RNF135: variants seen among roughly 807,000 people sequenced by gnomAD.
RNF135 encodes E3 ubiquitin-protein ligase RNF135.
Under a neutral mutation model 41.9 loss-of-function variants are expected in RNF135, and 46 were observed. The observed-to-expected ratio is 1.10, with a 90% CI of 0.87 to 1.40. The LOEUF is 1.40. Ranked by LOEUF, RNF135 falls within the 40% of genes most tolerant of loss-of-function variation. The probability of loss-of-function intolerance (pLI) is 0.00; values close to 1 mark genes in which losing one functional copy is unlikely to be tolerated. For missense variants in RNF135, 539 were observed against 549.8 expected, an observed-to-expected ratio of 0.98 and a Z score of 0.20; for synonymous variants, 238 against 223.8, an observed-to-expected ratio of 1.06 and a Z score of -0.57.
In RNF135 at chr17:30,991,050, A is replaced by G. The variant is rs78843464; in HGVS notation, c.679+2944A>G. On this transcript the variant is annotated intron_variant, in intron 3 of 4. Transcript: ENST00000328381. The stretch of plus-strand genomic sequence containing the variant: ...GGTTGCTGGGTCATAGGGTAAATTC[A>G]TTTGTCATTTTGATATACATTGCCA... Among the ~76,000 whole-genome samples the G allele has an allele frequency of 3.4e-3, 513 of 152,274 alleles. 5 individuals carry two copies. The highest frequency in any genetic ancestry group is 0.012 in the African/African-American group (493 of 41,560).
chr17:30,975,120 T>TA (rs1011764445), intron 1 of RNF135, among the ~76,000 whole-genome samples: 24 of 123,426 alleles, frequency 1.9e-4, no homozygotes, highest in South Asian at 5.1e-4. Context: ...GAGATCCAAT[T>TA]AAAAAAAAAA....
At chr17:30,984,148 C>T (rs554625004) in intron 1 of RNF135, among the ~76,000 whole-genome samples, 14 of 152,230 alleles carry the variant, frequency 9.2e-5, no homozygotes, top group Admixed American at 7.2e-4. Context: ...AATGTTTAAA[C>T]ATTTCATGTA....
At position 30,998,840 on chromosome 17, in the gene RNF135, A is replaced by G. The variant is rs753677857; in HGVS notation, c.948A>G (p.Glu316=). ...QALSSGKHYW[E]VDTRNCSHWA... ...TGTCTTCTGGAAAGCATTACTGGGA[A>G]GTGGACACTAGGAATTGCAGCCACT... Residue 316 remains glutamate, a synonymous_variant, in exon 5 of 5, where the codon GAA becomes GAG. Transcript: ENST00000328381. 2.0e-5 allele frequency: 32 copies of G among 1,613,294 alleles called. No individual in the cohort carries two copies. The South Asian group carries it at 3.4e-4, about 17-fold the overall frequency.
rs1905913423 is a variant in RNF135, at chr17:30,971,362, G to A, written c.289G>A (p.Asp97Asn). 1 of 1,529,224 alleles carries A rather than the reference G, an allele frequency of 6.5e-7. No homozygotes were observed. Among genetic ancestry groups the A allele is most frequent in the Non-Finnish European group, 8.8e-7 (1 of 1,142,774 alleles). 94.7% of individuals were successfully genotyped at this position (1,529,224 alleles called of 1,614,324 possible). The change falls in exon 1 of 5, where the codon GAC (aspartate) becomes AAC (asparagine). Residue 97 changes from aspartate (D) to asparagine (N), a missense_variant. Physicochemically the swap from Asp to Asn is conservative, Grantham distance 23. Transcript: ENST00000328381. Reference protein sequence around the residue: ...RAAREIQAGSDPAHCPCPGSS... With the variant: ...RAAREIQAGSNPAHCPCPGSS... ...CGCACGCGAGATACAGGCGGGCTCC[G>A]ACCCTGCCCACTGCCCCTGCCCGGG... is the stretch of plus-strand genomic sequence containing the variant.
chr17:30,964,688 T>C, the RNF135 span, among the ~76,000 whole-genome samples: 1 of 139,006 alleles, frequency 7.2e-6, no homozygotes, highest in Non-Finnish European at 1.6e-5. Flanking sequence ...ATTTCTTATC[T>C]TTTTTTTTTT....
At chr17:30,961,760 G>A in the RNF135 span, among the ~76,000 whole-genome samples, 2 of 151,958 alleles carry the variant, frequency 1.3e-5, no homozygotes, top group Non-Finnish European at 2.9e-5. Context: ...CACCGCGCCC[G>A]GCCCTGACAG....
intron 2 of RNF135, 94 bp from the exon 3 acceptor site, chr17:30,987,850 G>A: frequency 8.0e-7 from 1 of 1,250,708 alleles, no homozygotes; most frequent in Non-Finnish European, 1.1e-6. Flanking sequence ...GAATTAAATA[G>A]AAAATTATAG....
rs1907459845 is a variant in RNF135, at chr17:30,984,695, A to G, written c.451A>G (p.Ser151Gly). ...GGAACATCTTGTAGACATTGTCAGA[A>G]GCCTGCAGAATCAGAGGCCCCTATC... ...LVEHLVDIVRSLQNQRPLSES... is the reference protein window; with the variant it reads ...LVEHLVDIVRGLQNQRPLSES... Residue 151 changes from serine to glycine, a missense_variant, in exon 2 of 5, where the codon AGC becomes GGC. Around this residue, in one of 2 missense-constraint regions of RNF135, gnomAD observed 277 missense variants for 212.8 expected, o/e 1.30. Transcript: ENST00000328381. 6.2e-7 allele frequency: 1 copy of G among 1,614,210 alleles called. No homozygotes were observed. The highest frequency in any genetic ancestry group is 8.5e-7 in the Non-Finnish European group (1 of 1,180,030).
At chr17:30,994,952 T>C (rs950106101) in intron 3 of RNF135, among the ~76,000 whole-genome samples, 3 of 151,922 alleles carry the variant, frequency 2.0e-5, no homozygotes, top group Non-Finnish European at 4.4e-5. Flanking sequence ...ACTTTAATTT[T>C]AATTTTTTAG....
At chr17:30,969,749 T>TC (rs1183420278), upstream of RNF135, among the ~76,000 whole-genome samples, 105 of 148,614 alleles carry the variant, frequency 7.1e-4, 9 homozygotes, top group Non-Finnish European at 8.9e-5. Flanking sequence ...TTCTTTTCTT[T>TC]CTTTTTTTTC....
At chr17:30,979,865 C>G (rs1209110257) in intron 1 of RNF135, among the ~76,000 whole-genome samples, 2 of 136,498 alleles carry the variant, frequency 1.5e-5, no homozygotes, top group Non-Finnish European at 3.2e-5. Context: ...GGGGCTGACC[C>G]CCCCACCTCC....
the RNF135 span, chr17:30,959,206 C>T: frequency 6.6e-6 from 1 of 152,030 alleles, no homozygotes; most frequent in Non-Finnish European, 1.5e-5. Context: ...AACTTATGGT[C>T]TAGAGGAGAA....
Position 30,998,967 on chromosome 17 carries a change from G to C in RNF135, c.1075G>C (p.Ala359Pro). Residue 359 changes from alanine (A) to proline (P), a missense_variant, in exon 5 of 5, where the codon GCA (alanine) becomes CCA (proline). Transcript: ENST00000328381. ...VEWKGTSQLS[A>P]WHMVKETVLG... Reference sequence around the variant, plus strand: ...ATGGAAGGGGACTAGCCAGCTCTCTGCATGGCACATGGTCAAGGAAACTGT... The same window carrying C: ...ATGGAAGGGGACTAGCCAGCTCTCTCCATGGCACATGGTCAAGGAAACTGT... The C allele has an allele frequency of 6.2e-7, 1 of 1,614,096 alleles. No individual in the cohort carries two copies. Among genetic ancestry groups the C allele is most frequent in the African/African-American group, 1.3e-5 (1 of 75,028 alleles).
At chr17:30,979,006 TC>T (rs1305492087) in intron 1 of RNF135, 1 of 191,034 alleles carries the variant, frequency 5.2e-6, no homozygotes, top group Non-Finnish European at 1.1e-5. Flanking sequence ...CATGTCTACT[TC>T]TATCCACACA....
At chr17:30,964,789 A>G in the RNF135 span, 1 of 150,810 alleles carries the variant, frequency 6.6e-6, no homozygotes. Context: ...GGTTCAAGCC[A>G]TTCTCCTCCT....
At chr17:30,968,425 G>A (rs1252032304), upstream of RNF135, among the ~76,000 whole-genome samples, 1 of 139,054 alleles carries the variant, frequency 7.2e-6, no homozygotes, top group Admixed American at 7.6e-5. Flanking sequence ...TTGCTCTGTC[G>A]CCCAGGCTGG....
upstream of RNF135, among the ~76,000 whole-genome samples, chr17:30,967,739 TTGCCGAGGCTGGAGTGCAATGG>T (rs1224066727): frequency 6.6e-6 from 1 of 151,722 alleles, no homozygotes; most frequent in African/African-American, 2.4e-5. Context: ...TCTTGCCCTG[TTGCCGAGGCTGGAGTGCAATGG>T]TGCCATCTTG....
chr17:30,976,111 T>G (rs1468223600), intron 1 of RNF135, among the ~76,000 whole-genome samples: 1 of 152,214 alleles, frequency 6.6e-6, no homozygotes, highest in Non-Finnish European at 1.5e-5. Flanking sequence ...GTTCAAGTGA[T>G]TCTCCTGCCT....
chr17:30,968,578 C>T (rs1352195694), upstream of RNF135, among the ~76,000 whole-genome samples: 3 of 151,580 alleles, frequency 2.0e-5, no homozygotes, highest in South Asian at 2.1e-4. Flanking sequence ...TTAGTAGAGA[C>T]GGGGTTTCAC....
Sources: gnomAD v4.1 joint callset for allele counts (sites outside exome capture counted in the v4.1 genomes callset) on GRCh38, gnomAD v4.1.1 for gene constraint, gnomAD v4.1.1 regional missense constraint, MANE v1.5 for transcripts, NCBI Gene and HGNC (gene_info 2026-07-23, HGNC 2026-07-21) for gene names.